SLC9D1: variants seen among roughly 807,000 people sequenced by gnomAD.
The protein encoded by SLC9D1 is putative LAG1-interacting protein.
chr13:113,544,741 G>T, the SLC9D1 span, among the ~76,000 whole-genome samples: 35 of 152,294 alleles, frequency 2.3e-4, no homozygotes, highest in African/African-American at 8.2e-4. Context: ...CATGGCCTGC[G>T]CGGAGAGATT....
At chr13:113,539,291 C>G in the SLC9D1 span, 64 of 1,536,546 alleles carry the variant, frequency 4.2e-5, no homozygotes, top group Middle Eastern at 1.9e-4. This position sits in a 1 kb window ranked among gnomAD's most constrained non-coding sequence, Gnocchi z 4.8. Context: ...TCGGGGTGGC[C>G]TTGGGATGGG....
chr13:113,548,583 G>A, the SLC9D1 span: 129 of 958,438 alleles, frequency 1.3e-4, no homozygotes, highest in Admixed American at 8.5e-5. Context: ...AGGGGGGCAC[G>A]CAGAGGCCTG....
At chr13:113,546,913 G>A in the SLC9D1 span, among the ~76,000 whole-genome samples, 1 of 152,356 alleles carries the variant, frequency 6.6e-6, no homozygotes, top group Non-Finnish European at 1.5e-5. This position sits in a 1 kb window ranked among gnomAD's most constrained non-coding sequence, Gnocchi z 7.1. Context: ...CGTCCTGTGA[G>A]CGTGGCACTC....
the SLC9D1 span, among the ~76,000 whole-genome samples, chr13:113,537,012 G>A: frequency 5.9e-5 from 9 of 152,296 alleles, no homozygotes; most frequent in South Asian, 2.1e-4. Context: ...GGGCTCCAGC[G>A]TCCACTTCCC....
chr13:113,530,485 A>G, the SLC9D1 span: 1 of 152,234 alleles, frequency 6.6e-6, no homozygotes, highest in Non-Finnish European at 1.5e-5. Flanking sequence ...ATTTTCTACT[A>G]GTAGACTGGT....
At chr13:113,546,210 G>A in the SLC9D1 span, among the ~76,000 whole-genome samples, 1 of 152,146 alleles carries the variant, frequency 6.6e-6, no homozygotes, top group African/African-American at 2.4e-5. This position sits in a 1 kb window ranked among gnomAD's most constrained non-coding sequence, Gnocchi z 7.1. Flanking sequence ...AGCCTGGACC[G>A]GGCATTGCAG....
At chr13:113,540,438 G>A in the SLC9D1 span, among the ~76,000 whole-genome samples, 7 of 152,226 alleles carry the variant, frequency 4.6e-5, no homozygotes, top group African/African-American at 1.4e-4. Context: ...TCTGACTGGT[G>A]TGAGATGGTA....
chr13:113,501,987 T>C, the SLC9D1 span: 1 of 885,438 alleles, frequency 1.1e-6, no homozygotes, highest in Non-Finnish European at 1.7e-6. Context: ...ACCAGCTTCG[T>C]ATAAACCATT....
chr13:113,532,811 A>G, the SLC9D1 span, among the ~76,000 whole-genome samples: 2 of 138,198 alleles, frequency 1.4e-5, no homozygotes, highest in East Asian at 2.2e-4. Context: ...CCCTGCAGCG[A>G]GCTCTGAAGG....
the SLC9D1 span, among the ~76,000 whole-genome samples, chr13:113,517,432 G>T: frequency 6.6e-6 from 1 of 152,114 alleles, no homozygotes; most frequent in Non-Finnish European, 1.5e-5. Context: ...GTTTCACCGT[G>T]TTAGCCAGGA....
the SLC9D1 span, chr13:113,514,165 T>A: frequency 6.6e-6 from 1 of 152,242 alleles, no homozygotes; most frequent in Non-Finnish European, 1.5e-5. Flanking sequence ...ATGACACATT[T>A]GACTTTGTAA....
At chr13:113,516,279 A>G in the SLC9D1 span, among the ~76,000 whole-genome samples, 2 of 152,096 alleles carry the variant, frequency 1.3e-5, no homozygotes, top group Admixed American at 6.5e-5. Flanking sequence ...AAATTCCTAT[A>G]TATGTCCAGG....
At chr13:113,495,995 C>G in the SLC9D1 span, 1 of 1,612,404 alleles carries the variant, frequency 6.2e-7, no homozygotes, top group East Asian at 2.2e-5. Flanking sequence ...GCCGGCAGCG[C>G]CTGGAGGCCC....
At chr13:113,522,082 C>T in the SLC9D1 span, among the ~76,000 whole-genome samples, 1 of 152,148 alleles carries the variant, frequency 6.6e-6, no homozygotes, top group Non-Finnish European at 1.5e-5. Context: ...TGCCTTATTG[C>T]ACTGGCTGGA....
the SLC9D1 span, among the ~76,000 whole-genome samples, chr13:113,522,684 A>T: frequency 3.3e-5 from 5 of 151,684 alleles, no homozygotes; most frequent in Non-Finnish European, 5.9e-5. Context: ...CTCAGGCTGG[A>T]TGCAGTGTCG....
chr13:113,541,460 A>G, the SLC9D1 span, among the ~76,000 whole-genome samples: 2 of 139,460 alleles, frequency 1.4e-5, no homozygotes, highest in African/African-American at 5.8e-5. Context: ...TACGCACACG[A>G]TCGCTGATCA....
chr13:113,503,511 G>A, the SLC9D1 span: 6 of 1,612,752 alleles, frequency 3.7e-6, no homozygotes, highest in Non-Finnish European at 5.1e-6. Flanking sequence ...TGTGCAAGTG[G>A]AGACATTAGG....
the SLC9D1 span, among the ~76,000 whole-genome samples, chr13:113,537,925 T>C: frequency 1.3e-5 from 2 of 152,078 alleles, no homozygotes; most frequent in African/African-American, 4.8e-5. Flanking sequence ...GTGTGTTCTT[T>C]GTGCATGGCA....
At chr13:113,493,438 TTGGA>T in the SLC9D1 span, among the ~76,000 whole-genome samples, 21 of 152,318 alleles carry the variant, frequency 1.4e-4, no homozygotes, top group African/African-American at 5.1e-4. Context: ...TTTAGCTCCG[TTGGA>T]CCAACCGAGA....
Sources: gnomAD v4.1 joint callset for allele counts (sites outside exome capture counted in the v4.1 genomes callset) on GRCh38, gnomAD v4.1.1 for gene constraint, Gnocchi (gnomAD v3.1) non-coding constraint, MANE v1.5 for transcripts, NCBI Gene and HGNC (gene_info 2026-07-23, HGNC 2026-07-21) for gene names.